Variants in RBM17 observed in about 807,000 individuals in gnomAD.
RBM17 encodes the protein splicing factor 45.
Under a neutral mutation model 53.2 loss-of-function variants are expected in RBM17, and 7 were observed. The ratio of observed to expected loss-of-function variants is 0.13; its 90% CI spans 0.07 to 0.25. RBM17 has a LOEUF of 0.25. Ranked by LOEUF, RBM17 falls within the 10% of genes least tolerant of loss-of-function variation. RBM17 has a pLI of 1.00. For missense variants in RBM17, 257 were observed against 496.7 expected (o/e 0.52, Z 4.59); for synonymous variants, 167 against 178.1 (o/e 0.94, Z 0.50).
At position 6,114,085 on chromosome 10, in the gene RBM17, G is replaced by T; in HGVS notation, c.967G>T (p.Glu323Ter). The T allele has an allele frequency of 6.2e-7, 1 of 1,613,630 alleles. No homozygotes were observed. The highest frequency in any genetic ancestry group is 1.1e-5 in the South Asian group (1 of 91,052). ...TGCGGGAGAGGTGGATGAAGACTTG[G>T]AAGTTGAAACCAAGGAAGAATGTGA... is the stretch of plus-strand genomic sequence containing the variant. Reference protein sequence around the residue: ...VGAGEVDEDLEVETKEECEKY... With the variant: ...VGAGEVDEDL Residue 323 changes from glutamate to a stop codon, truncating the protein, a stop_gained, in exon 10 of 12, where the codon GAA becomes TAA. Transcript: ENST00000379888. LOFTEE classifies it high-confidence loss of function.
Position 6,104,919 on chromosome 10 carries a change from T to C in RBM17, c.241-12T>C, listed in dbSNP as rs776638326. Reference sequence around the variant, plus strand: ...TAAAGAGGATTCTTACTGCTGTTTTTACCTTCCTCAGGATCCTGTTCCCAG... The same window carrying C: ...TAAAGAGGATTCTTACTGCTGTTTTCACCTTCCTCAGGATCCTGTTCCCAG... On this transcript the variant is annotated splice_polypyrimidine_tract_variant and intron_variant, in intron 3 of 11. Transcript: ENST00000379888. 2 of 1,611,690 alleles carry C rather than the reference T, an allele frequency of 1.2e-6. No individual in the cohort carries two copies. Among genetic ancestry groups the C allele is most frequent in the South Asian group, 2.2e-5 (2 of 90,878 alleles).
In RBM17 at chr10:6,089,936, TGA is replaced by T. The variant is rs1840458296; in HGVS notation, c.-19+749_-19+750del. 6.6e-6 allele frequency: 1 copy of T among 152,172 alleles called. No individual in the cohort carries two copies. Among genetic ancestry groups the T allele is most frequent in the Non-Finnish European group, 1.5e-5 (1 of 68,030 alleles). 9.4% of individuals were successfully genotyped at this position (152,172 alleles called of 1,614,324 possible). ...AAGTGGGGTCTGGAAGGACCTCTCT[TGA>T]GAGAGGAGGTCATGCTTATGTTGAG... On this transcript the variant is annotated intron_variant, in intron 1 of 11. Transcript: ENST00000379888. The surrounding 1 kb of genome is among the most constrained non-coding windows in gnomAD (Gnocchi z 5.6).
intron 9 of RBM17, 60 bp downstream of exon 9, chr10:6,113,641 C>T: frequency 9.3e-7 from 1 of 1,076,104 alleles, no homozygotes; most frequent in Non-Finnish European, 1.4e-6. Flanking sequence ...TCACCCCAGC[C>T]TACCCTGCTC....
intron 1 of RBM17, among the ~76,000 whole-genome samples, chr10:6,092,908 C>T (rs1409180468): frequency 6.6e-6 from 1 of 152,336 alleles, no homozygotes; most frequent in South Asian, 2.1e-4. Flanking sequence ...ATTTCTGAAA[C>T]TTTTGCGCAA....
At chr10:6,094,213 C>T (rs1284150068) in intron 1 of RBM17, among the ~76,000 whole-genome samples, 1 of 152,024 alleles carries the variant, frequency 6.6e-6, no homozygotes, top group African/African-American at 2.4e-5. Context: ...CTCCTGACCT[C>T]GTGATCCACC....
intron 6 of RBM17, among the ~76,000 whole-genome samples, chr10:6,109,720 G>T (rs947738989): frequency 6.6e-6 from 1 of 152,134 alleles, no homozygotes; most frequent in Non-Finnish European, 1.5e-5. Flanking sequence ...ATTTTAAAGG[G>T]TGAATAACAT....
At position 6,110,149 on chromosome 10, in the gene RBM17, C is replaced by G. The variant is rs765790928; in HGVS notation, c.704+22C>G. ...TGGGGTAATGATTTAATGTTCTTAT[C>G]TAAGGACTTGAGAGACAGTGTGAAG... On this transcript the variant is annotated intron_variant, in intron 7 of 11. Coordinates refer to ENST00000379888, the MANE Select transcript of RBM17 (RefSeq NM_032905.5). The G allele has an allele frequency of 2.3e-5, 36 of 1,592,868 alleles. No individual in the cohort carries two copies. In the South Asian group the frequency reaches 3.7e-4, roughly 16 times the overall value.
rs71390124 is a variant in RBM17, at chr10:6,107,479, C to CTTTTTTTTTTTTT, written c.506-1198_506-1186dup. The stretch of plus-strand genomic sequence containing the variant: ...AGGTATGAGCCACTGCACCCGGCCT[C>CTTTTTTTTTTTTT]TTTTTTTTTTTTTTTTTTTTTGGAG... On this transcript the variant is annotated intron_variant, in intron 5 of 11. Coordinates refer to ENST00000379888, the MANE Select transcript of RBM17 (RefSeq NM_032905.5). 4.9e-3 allele frequency among the ~76,000 whole-genome samples: 275 copies of CTTTTTTTTTTTTT among 56,594 alleles called. 51 individuals are homozygous for CTTTTTTTTTTTTT. Among genetic ancestry groups the CTTTTTTTTTTTTT allele is most frequent in the East Asian group, 0.018 (33 of 1,830 alleles). 37.1% of individuals were successfully genotyped at this position (56,594 alleles called of 152,430 possible).
Position 6,104,964 on chromosome 10 carries a change from G to C in RBM17, c.274G>C (p.Val92Leu), listed in dbSNP as rs761709664. 1.2e-6 allele frequency: 2 copies of C among 1,614,012 alleles called. No individual in the cohort carries two copies. Among genetic ancestry groups the C allele is most frequent in the Admixed American group, 1.7e-5 (1 of 60,024 alleles). The change falls in exon 4 of 12, where the codon GTT becomes CTT. Residue 92 changes from valine to leucine, a missense_variant. Val to Leu is a conservative substitution (Grantham distance 32). This residue lies in a region of RBM17 where 127 missense variants were observed against 217.2 expected (regional missense o/e 0.58). Transcript: ENST00000379888. ...PVPSGFSAGE[V>L]LIPLADEYDP... ...TCCCAGTGGGTTTTCTGCAGGGGAA[G>C]TTCTGATTCCCTTAGCTGACGAATA... is the stretch of plus-strand genomic sequence containing the variant.
Position 6,117,367 on chromosome 10 carries a change from AAATT to A in RBM17, c.*1816_*1819del, listed in dbSNP as rs1298158514. The A allele has an allele frequency of 1.3e-5, 2 of 152,210 alleles. No individual in the cohort carries two copies. The highest frequency in any genetic ancestry group is 2.9e-5 in the Non-Finnish European group (2 of 68,048). The allele number at this position is 152,210 out of a possible 1,614,324, so 9.4% of individuals were successfully genotyped here. ...TGCAAGTTAGTACTTGAGAAATTTG[AAATT>A]AATTTTCAATATTAACATTTAAGCT... On this transcript the variant is annotated 3_prime_UTR_variant, in exon 12 of 12. Transcript: ENST00000379888.
chr10:6,094,899 C>T (rs1840549485), intron 1 of RBM17, among the ~76,000 whole-genome samples: 1 of 152,154 alleles, frequency 6.6e-6, no homozygotes. Context: ...TCCTATTTAG[C>T]TGTGGGTTGG....
intron 7 of RBM17, among the ~76,000 whole-genome samples, chr10:6,110,593 G>T (rs1170367668): frequency 6.6e-6 from 1 of 152,168 alleles, no homozygotes; most frequent in Non-Finnish European, 1.5e-5. Flanking sequence ...TATAAAATTT[G>T]ACTGTAAGGC....
At chr10:6,101,987 A>G (rs1432295376) in intron 3 of RBM17, among the ~76,000 whole-genome samples, 2 of 151,882 alleles carry the variant, frequency 1.3e-5, no homozygotes, top group Non-Finnish European at 2.9e-5. Flanking sequence ...GGTCAACTCT[A>G]TAAATTGGGT....
At position 6,117,413 on chromosome 10, in the gene RBM17, A is replaced by G. The variant is rs1840937367; in HGVS notation, c.*1857A>G. On this transcript the variant is annotated 3_prime_UTR_variant, in exon 12 of 12. Transcript: ENST00000379888. ...ATTTAAGCTAATATAAAAATTTTAA[A>G]TTTCAATAAAAATTAAAAATTATGT... is the stretch of plus-strand genomic sequence containing the variant. 1 of 152,078 alleles carries G rather than the reference A, an allele frequency of 6.6e-6. No individual in the cohort carries two copies. Among genetic ancestry groups the G allele is most frequent in the African/African-American group, 2.4e-5 (1 of 41,394 alleles). The allele number at this position is 152,078 out of a possible 1,614,324, so 9.4% of individuals were successfully genotyped here.
In RBM17 at chr10:6,115,748, AAAC is replaced by A. The variant is rs1025457275; in HGVS notation, c.*198_*200del. 11 of 429,900 alleles carry A rather than the reference AAAC, an allele frequency of 2.6e-5. No homozygotes were observed. The highest frequency in any genetic ancestry group is 8.1e-5 in the African/African-American group (4 of 49,476). The allele number at this position is 429,900 out of a possible 1,614,324, so 26.6% of individuals were successfully genotyped here. On this transcript the variant is annotated 3_prime_UTR_variant, in exon 12 of 12. Coordinates refer to ENST00000379888, the MANE Select transcript of RBM17 (RefSeq NM_032905.5). Reference sequence around the variant, plus strand: ...ATATAGTATAAAAATCCTTTTAAAAAAACAACAATCTGTGTGCCTCTCTGGTTG... The same window carrying A: ...ATATAGTATAAAAATCCTTTTAAAAAAACAATCTGTGTGCCTCTCTGGTTG...
chr10:6,114,524 T>C, intron 10 of RBM17: 1 of 176,176 alleles, frequency 5.7e-6, no homozygotes, highest in Non-Finnish European at 1.2e-5. Flanking sequence ...AAGCATGCTC[T>C]GTACTCTCAG....
rs1462452198 is a variant in RBM17 at position 6,110,054 on chromosome 10, C to A, written c.631C>A (p.Pro211Thr). 6.2e-7 allele frequency: 1 copy of A among 1,613,200 alleles called. No individual in the cohort carries two copies. The highest frequency in any genetic ancestry group is 8.5e-7 in the Non-Finnish European group (1 of 1,179,414). ...ACAGTCTTCCAAAGCAGCCATTCCT[C>A]CCCCAGTGTACGAGGAACAAGACAG... The part of the protein sequence containing the change: ...RSQSSKAAIP[P>T]PVYEEQDRPR... The change falls in exon 7 of 12, where the codon CCC becomes ACC. Residue 211 changes from proline (P) to threonine (T), a missense_variant. Pro to Thr is a conservative substitution (Grantham distance 38). Transcript: ENST00000379888.
chr10:6,101,472 G>A (rs1022864763), intron 3 of RBM17, 85 bp downstream of exon 3: 20 of 685,748 alleles, frequency 2.9e-5, no homozygotes, highest in Non-Finnish European at 4.2e-5. Flanking sequence ...TTAACAGATG[G>A]CCTCCTTGGT....
intron 3 of RBM17, among the ~76,000 whole-genome samples, chr10:6,103,447 G>GT (rs1840698969): frequency 6.6e-6 from 1 of 152,160 alleles, no homozygotes; most frequent in Non-Finnish European, 1.5e-5. Flanking sequence ...CATATTGACA[G>GT]TTTGTTCTCT....
Sources: gnomAD v4.1 joint callset for allele counts (sites outside exome capture counted in the v4.1 genomes callset) on GRCh38, gnomAD v4.1.1 for gene constraint, gnomAD v4.1.1 regional missense constraint, Gnocchi (gnomAD v3.1) non-coding constraint, MANE v1.5 for transcripts, NCBI Gene and HGNC (gene_info 2026-07-23, HGNC 2026-07-21) for gene names.